The following SBF2 variants were observed in gnomAD, a reference collection of about 807,000 sequenced individuals.
The protein encoded by SBF2 is myotubularin-related protein 13.
SBF2 carries 112 observed loss-of-function variants against 225.2 expected under a neutral mutation model. That is an observed-to-expected ratio of 0.50 (90% confidence interval 0.43 to 0.58). The LOEUF (loss-of-function observed/expected upper bound fraction) is 0.58, where lower values mean the gene tolerates loss of function less well. Ranked by LOEUF, SBF2 falls within the 20% of genes least tolerant of loss-of-function variation. The pLI, the probability that SBF2 is intolerant of heterozygous loss-of-function variation, is 0.00. For synonymous variants in SBF2, 763 were observed against 773.3 expected, an observed-to-expected ratio of 0.99 and a Z score of 0.22; for missense variants, 1,996 against 2,206.2, an observed-to-expected ratio of 0.90 and a Z score of 1.91.
At chr11:9,965,297 C>CT (rs34056394) in intron 14 of SBF2, among the ~76,000 whole-genome samples, 4,405 of 128,802 alleles carry the variant, frequency 0.034, 113 homozygotes, top group African/African-American at 0.06. Context: ...ATGTTTTAAA[C>CT]TTTTTTTTTT....
At chr11:10,222,539 G>C (rs895099889) in intron 1 of SBF2, among the ~76,000 whole-genome samples, 2 of 152,068 alleles carry the variant, frequency 1.3e-5, no homozygotes, top group African/African-American at 4.8e-5. Flanking sequence ...CAGAGAAAAA[G>C]GTACACTTGA....
chr11:10,058,779 A>G (rs1469063436), intron 2 of SBF2, among the ~76,000 whole-genome samples: 1 of 152,196 alleles, frequency 6.6e-6, no homozygotes, highest in African/African-American at 2.4e-5. Context: ...GTCACCTACA[A>G]AGGGAACTCC....
chr11:10,131,480 C>A (rs975301206), intron 2 of SBF2, among the ~76,000 whole-genome samples: 2 of 152,172 alleles, frequency 1.3e-5, no homozygotes, highest in African/African-American at 4.8e-5. Flanking sequence ...GTTGCCCAGG[C>A]TGGAGTGCAA....
chr11:9,875,431 A>G (rs149734831), intron 17 of SBF2, among the ~76,000 whole-genome samples: 4 of 152,278 alleles, frequency 2.6e-5, no homozygotes, highest in African/African-American at 9.6e-5. Context: ...TTTGCTATTT[A>G]TGTTTCATTT....
chr11:10,083,530 G>C (rs1206906389), intron 2 of SBF2, among the ~76,000 whole-genome samples: 1 of 152,060 alleles, frequency 6.6e-6, no homozygotes, highest in East Asian at 1.9e-4. Flanking sequence ...TATAAAAATA[G>C]ATACAGATCA....
At chr11:10,008,316 A>G (rs1175204869) in intron 6 of SBF2, among the ~76,000 whole-genome samples, 1 of 152,200 alleles carries the variant, frequency 6.6e-6, no homozygotes, top group East Asian at 1.9e-4. Context: ...CTAGACCCAG[A>G]GACATCAGAA....
At chr11:10,295,777 A>C (rs1451703610), upstream of SBF2, among the ~76,000 whole-genome samples, 3 of 152,018 alleles carry the variant, frequency 2.0e-5, no homozygotes, top group Admixed American at 2.0e-4. Context: ...TCTTACTGTA[A>C]CTTCCCCTGA....
chr11:9,936,017 G>A (rs1864871071), intron 16 of SBF2, among the ~76,000 whole-genome samples: 1 of 152,046 alleles, frequency 6.6e-6, no homozygotes, highest in South Asian at 2.1e-4. Context: ...GAGTGAATAG[G>A]CAATCTACAG....
chr11:9,965,087 A>G (rs1175808014), intron 14 of SBF2, among the ~76,000 whole-genome samples: 2 of 151,958 alleles, frequency 1.3e-5, no homozygotes, highest in African/African-American at 4.8e-5. Context: ...ATGTGTACAC[A>G]TTATTTAGCT....
chr11:10,298,028 AGGAAG>A (rs1964563972), upstream of SBF2, among the ~76,000 whole-genome samples: 1 of 152,262 alleles, frequency 6.6e-6, no homozygotes, highest in Non-Finnish European at 1.5e-5. Flanking sequence ...TGATGGGAGC[AGGAAG>A]GGAAGAAGGG....
At chr11:10,195,337 C>G (rs376386324) in intron 1 of SBF2, among the ~76,000 whole-genome samples, 1 of 152,082 alleles carries the variant, frequency 6.6e-6, no homozygotes, top group Non-Finnish European at 1.5e-5. Context: ...CCTGTGACAC[C>G]GAAGAAGGAA....
At chr11:10,089,973 T>C (rs979142208) in intron 2 of SBF2, among the ~76,000 whole-genome samples, 3 of 152,190 alleles carry the variant, frequency 2.0e-5, no homozygotes, top group Non-Finnish European at 2.9e-5. Flanking sequence ...AAATGTGATA[T>C]AAGCACACAA....
intron 32 of SBF2, 30 bp from the exon 33 acceptor site, chr11:9,795,987 A>T: frequency 6.2e-7 from 1 of 1,608,450 alleles, no homozygotes; most frequent in African/African-American, 1.3e-5. Flanking sequence ...GAAAAGAGTA[A>T]GAATCAAACA....
intron 25 of SBF2, among the ~76,000 whole-genome samples, chr11:9,841,341 A>C (rs1856125515): frequency 6.6e-6 from 1 of 152,194 alleles, no homozygotes; most frequent in Admixed American, 6.5e-5. Flanking sequence ...GAGTTAGAAG[A>C]GTCAATAGTG....
chr11:10,173,286 C>G (rs534225695), intron 2 of SBF2, among the ~76,000 whole-genome samples: 21 of 152,264 alleles, frequency 1.4e-4, no homozygotes, highest in Non-Finnish European at 2.4e-4. Flanking sequence ...ACAGTGGGCA[C>G]AGGTCAGTGG....
chr11:10,105,521 T>C lies in SBF2; in HGVS notation c.142-62540A>G, dbSNP rs576361143. ...GTACCATTCTTGTACAATGTAAACA[T>C]GGTATCACTACATGCTATGTACCTT... On this transcript the variant is annotated intron_variant, in intron 2 of 39. Transcript: ENST00000256190. Among the ~76,000 whole-genome samples the C allele has an allele frequency of 5.3e-5, 8 of 152,352 alleles. No individual in the cohort carries two copies. The South Asian group carries it at 1.0e-3, about 20-fold the overall frequency.
intron 1 of SBF2, among the ~76,000 whole-genome samples, chr11:10,218,320 A>ACCCCCCC (rs57770393): frequency 6.5e-5 from 5 of 76,546 alleles, no homozygotes; most frequent in Non-Finnish European, 1.3e-4. Flanking sequence ...GGAAAGACCC[A>ACCCCCCC]CCCCCCCCCC....
chr11:10,260,156 G>C (rs1372952332), intron 1 of SBF2, among the ~76,000 whole-genome samples: 1 of 152,110 alleles, frequency 6.6e-6, no homozygotes, highest in African/African-American at 2.4e-5. Flanking sequence ...GGCCACAATA[G>C]TTTTTAATTT....
chr11:10,157,912 A>T (rs1286586871), intron 2 of SBF2, among the ~76,000 whole-genome samples: 1 of 152,198 alleles, frequency 6.6e-6, no homozygotes, highest in Non-Finnish European at 1.5e-5. Context: ...CACACATTAA[A>T]CATTCTCCAG....
Sources: gnomAD v4.1 joint callset for allele counts (sites outside exome capture counted in the v4.1 genomes callset) on GRCh38, gnomAD v4.1.1 for gene constraint, MANE v1.5 for transcripts, NCBI Gene and HGNC (gene_info 2026-07-23, HGNC 2026-07-21) for gene names.